DYM: variants seen among roughly 807,000 people sequenced by gnomAD.
The protein encoded by DYM is dymeclin, also known as dyggve-Melchior-Clausen syndrome protein.
DYM carries 78 observed loss-of-function variants against 93.1 expected under a neutral mutation model. The observed-to-expected ratio is 0.84, with a 90% CI of 0.70 to 1.01. The LOEUF (loss-of-function observed/expected upper bound fraction) is 1.01. Ranked by LOEUF, DYM falls within the 50% of genes least tolerant of loss-of-function variation. The pLI is 0.00. For missense variants in DYM, 789 were observed against 845.0 expected, an observed-to-expected ratio of 0.93 and a Z score of 0.82; for synonymous variants, 321 against 319.7, an observed-to-expected ratio of 1.00 and a Z score of -0.04.
At chr18:49,393,040 AGGAGGAGGAGGGGAGGAGG>A (rs2069500108) in intron 2 of DYM, among the ~76,000 whole-genome samples, 3 of 110,908 alleles carry the variant, frequency 2.7e-5, no homozygotes, top group African/African-American at 9.8e-5. Context: ...GAGGAGGAGG[AGGAGGAGGAGGGGAGGAGG>A]GGAGGAGGAG....
chr18:49,092,578 C>G (rs1275153429), intron 17 of DYM, among the ~76,000 whole-genome samples: 1 of 152,256 alleles, frequency 6.6e-6, no homozygotes, highest in East Asian at 1.9e-4. Flanking sequence ...CTTCTGTTTC[C>G]CCAACGTCCT....
At chr18:49,278,156 A>C (rs546748192) in intron 10 of DYM, among the ~76,000 whole-genome samples, 1 of 152,252 alleles carries the variant, frequency 6.6e-6, no homozygotes, top group African/African-American at 2.4e-5. Flanking sequence ...TAGTCCATCT[A>C]AAACAAGATA....
intron 14 of DYM, among the ~76,000 whole-genome samples, chr18:49,181,587 A>G (rs2089932726): frequency 6.6e-6 from 1 of 152,170 alleles, no homozygotes; most frequent in African/African-American, 2.4e-5. Context: ...GCTCCAGTGA[A>G]TGTTTCCTTT....
intron 17 of DYM, among the ~76,000 whole-genome samples, chr18:49,077,564 C>T (rs1228672705): frequency 2.0e-5 from 3 of 152,168 alleles, no homozygotes; most frequent in Admixed American, 6.5e-5. Flanking sequence ...CTGGTCTAGA[C>T]GTTCTACCAG....
At chr18:49,210,140 G>A (rs1226875430) in intron 13 of DYM, among the ~76,000 whole-genome samples, 1 of 152,200 alleles carries the variant, frequency 6.6e-6, no homozygotes, top group African/African-American at 2.4e-5. Context: ...ACTTTGGAAT[G>A]CAGTTCGGCA....
chr18:49,255,130 A>G (rs1447027992), intron 13 of DYM, among the ~76,000 whole-genome samples: 2 of 152,252 alleles, frequency 1.3e-5, no homozygotes, highest in Non-Finnish European at 1.5e-5. Context: ...AGACAACTTA[A>G]TTTTGAGTAA....
At chr18:49,277,831 TGAACTGACTAAGCCA>T (rs1237363794) in intron 10 of DYM, among the ~76,000 whole-genome samples, 1 of 152,244 alleles carries the variant, frequency 6.6e-6, no homozygotes, top group Non-Finnish European at 1.5e-5. Context: ...GACTAAATTC[TGAACTGACTAAGCCA>T]GAACTGACTA....
At chr18:49,314,047 CAG>C (rs1267996537) in intron 8 of DYM, among the ~76,000 whole-genome samples, 1 of 152,178 alleles carries the variant, frequency 6.6e-6, no homozygotes, top group African/African-American at 2.4e-5. Context: ...CACCTGAGGT[CAG>C]GAGTTCAAGA....
At position 49,297,043 on chromosome 18, in the gene DYM, CAAGT is replaced by C. The variant is rs370797147; in HGVS notation, c.764-10431_764-10428del. ...TACTGAAGGATGTTTTTAAAGTGTA[CAAGT>C]AATAAGAATTTTATATTTGCTATTT... On this transcript the variant is annotated intron_variant, in intron 8 of 17. Transcript: ENST00000675505. Among the ~76,000 whole-genome samples the C allele has an allele frequency of 3.4e-3, 523 of 152,160 alleles. 4 individuals are homozygous for C. The highest frequency in any genetic ancestry group is 0.012 in the African/African-American group (485 of 41,504).
At chr18:49,379,824 AAC>A in intron 3 of DYM, 66 bp from the exon 4 acceptor site, 1 of 1,291,068 alleles carries the variant, frequency 7.7e-7, no homozygotes, top group Non-Finnish European at 1.1e-6. Flanking sequence ...AGCTTATCAT[AAC>A]ATTTATAAAA....
intron 5 of DYM, among the ~76,000 whole-genome samples, chr18:49,367,955 A>G (rs2066667055): frequency 6.6e-6 from 1 of 152,226 alleles, no homozygotes; most frequent in Admixed American, 6.5e-5. Flanking sequence ...TGCCACTTTA[A>G]TAGTGAAACT....
At chr18:49,297,274 A>T (rs2060622960) in intron 8 of DYM, among the ~76,000 whole-genome samples, 1 of 152,232 alleles carries the variant, frequency 6.6e-6, no homozygotes, top group South Asian at 2.1e-4. Context: ...AAAATGAACA[A>T]ACTATGCTTC....
chr18:49,376,294 A>G (rs893738323), intron 5 of DYM, among the ~76,000 whole-genome samples: 6 of 152,192 alleles, frequency 3.9e-5, no homozygotes, highest in African/African-American at 1.4e-4. Flanking sequence ...CACTTACGAA[A>G]CAAACTTAAT....
rs2059671322 is a variant in DYM at position 49,286,467 on chromosome 18, T to C, written c.913A>G (p.Arg305Gly). 8 of 1,614,038 alleles carry C rather than the reference T, an allele frequency of 5.0e-6. No individual in the cohort carries two copies. Among genetic ancestry groups the C allele is most frequent in the Admixed American group, 1.7e-5 (1 of 59,998 alleles). Residue 305 changes from arginine (R) to glycine (G), a missense_variant, in exon 9 of 18, where the codon AGA (arginine) becomes GGA (glycine). Coordinates refer to ENST00000675505, the MANE Select transcript of DYM (RefSeq NM_001353214.3). ...TTCTTGAAGGACATAATGGCTTGTC[T>C]GTAGGGGTTTGGCGCATCTGAGGCA... is the stretch of plus-strand genomic sequence containing the variant. ...TDASDAPNPY[R>G]QAIMSFKNTQ... is the part of the protein sequence containing the mutation.
chr18:49,204,464 T>A (rs955279229), intron 14 of DYM, among the ~76,000 whole-genome samples: 1 of 152,228 alleles, frequency 6.6e-6, no homozygotes, highest in Non-Finnish European at 1.5e-5. Context: ...ATTTTTGACA[T>A]CAGCAAAGTA....
intron 13 of DYM, among the ~76,000 whole-genome samples, chr18:49,216,123 C>A (rs2093028863): frequency 6.6e-6 from 1 of 152,222 alleles, no homozygotes; most frequent in African/African-American, 2.4e-5. Flanking sequence ...TCGGAGGGTC[C>A]TACACCCACG....
intron 17 of DYM, among the ~76,000 whole-genome samples, chr18:49,079,705 G>A (rs909827520): frequency 7.9e-5 from 12 of 151,620 alleles, no homozygotes; most frequent in African/African-American, 2.9e-4. Flanking sequence ...ATGTTTCAGA[G>A]AGCACAGGGT....
chr18:49,266,980 C>T (rs2094580824), intron 11 of DYM, among the ~76,000 whole-genome samples: 1 of 151,670 alleles, frequency 6.6e-6, no homozygotes, highest in African/African-American at 2.4e-5. Context: ...CAAATTGAGG[C>T]TCAAGTAAGC....
At chr18:49,096,607 C>T (rs1449553931) in intron 17 of DYM, among the ~76,000 whole-genome samples, 1 of 152,200 alleles carries the variant, frequency 6.6e-6, no homozygotes, top group African/African-American at 2.4e-5. Flanking sequence ...AAGTAAGCTG[C>T]AATGCTGTAC....
Sources: allele counts gnomAD v4.1 joint callset (sites outside exome capture counted in the v4.1 genomes callset), GRCh38; gene constraint gnomAD v4.1.1; transcripts MANE v1.5; gene names NCBI Gene and HGNC (gene_info 2026-07-23, HGNC 2026-07-21).